The following DPP10 variants were observed in gnomAD, a reference collection of about 807,000 sequenced individuals.
DPP10 encodes the protein inactive dipeptidyl peptidase 10.
In DPP10, 33 loss-of-function variants were observed where a neutral mutation model predicts 120.9. The observed-to-expected ratio is 0.27, with a 90% CI of 0.21 to 0.37. The LOEUF is 0.37. DPP10 is among the 10% of genes least tolerant of loss of function. The pLI, the probability that DPP10 is intolerant of heterozygous loss-of-function variation, is 1.00. For synonymous variants in DPP10, 337 were observed against 326.1 expected (o/e 1.03, Z -0.36); for missense variants, 816 against 942.8 (o/e 0.87, Z 1.76).
chr2:115,604,221 A>G (rs1448470), intron 5 of DPP10, among the ~76,000 whole-genome samples: 150,384 of 152,184 alleles, frequency 0.99, 74,330 homozygotes, highest in East Asian at 1. Flanking sequence ...ATGACAGTGG[A>G]TTCTTAGGGT....
intron 1 of DPP10, among the ~76,000 whole-genome samples, chr2:115,116,927 A>C (rs1258595472): frequency 2.0e-5 from 3 of 152,238 alleles, no homozygotes; most frequent in Admixed American, 2.0e-4. Context: ...TCTTGTGCAC[A>C]AAGAATTTAT....
chr2:114,730,116 G>A (rs948742282), intron 1 of DPP10, among the ~76,000 whole-genome samples: 5 of 150,358 alleles, frequency 3.3e-5, no homozygotes, highest in Non-Finnish European at 5.9e-5. Context: ...AATATTATTT[G>A]TTCTTACTGT....
At chr2:115,816,424 G>T (rs79855880) in intron 21 of DPP10, among the ~76,000 whole-genome samples, 13 of 152,078 alleles carry the variant, frequency 8.5e-5, no homozygotes, top group African/African-American at 3.1e-4. Context: ...AGCAAGTATC[G>T]CAATCTTAGG....
intron 7 of DPP10, among the ~76,000 whole-genome samples, chr2:115,693,874 T>C (rs1279237588): frequency 6.6e-6 from 1 of 152,150 alleles, no homozygotes; most frequent in Non-Finnish European, 1.5e-5. Context: ...TTCTGGTGTT[T>C]AATGTATGAA....
chr2:115,662,427 G>T (rs1041769289), intron 5 of DPP10, among the ~76,000 whole-genome samples: 8 of 125,012 alleles, frequency 6.4e-5, no homozygotes, highest in East Asian at 2.1e-4. Context: ...TTTTATTTTT[G>T]TTTTTTATTT....
rs888635427 is a variant in DPP10 at position 115,533,318 on chromosome 2, C to G, written c.441+7346C>G. 3.3e-5 allele frequency among the ~76,000 whole-genome samples: 5 copies of G among 152,150 alleles called. No homozygotes were observed. The East Asian group carries it at 7.8e-4, about 24-fold the overall frequency. ...TGTCTACTAGAGGGAACAAATCAAC[C>G]GTAGCTGGGCTACATCTGCTATGTT... On this transcript the variant is annotated intron_variant, in intron 5 of 25. Transcript: ENST00000410059.
chr2:115,377,068 G>A (rs999139790), intron 3 of DPP10, among the ~76,000 whole-genome samples: 6 of 151,688 alleles, frequency 4.0e-5, no homozygotes, highest in East Asian at 1.9e-4. Context: ...TATATACCCA[G>A]TAATGGGATT....
chr2:114,782,402 C>T (rs371885015), intron 1 of DPP10, among the ~76,000 whole-genome samples: 1 of 151,840 alleles, frequency 6.6e-6, no homozygotes, highest in South Asian at 2.1e-4. Context: ...ACTTGATTTA[C>T]ATTTGGCTCT....
chr2:115,567,740 A>G (rs1458919728), intron 5 of DPP10, among the ~76,000 whole-genome samples: 2 of 152,244 alleles, frequency 1.3e-5, no homozygotes, highest in Admixed American at 6.5e-5. Flanking sequence ...AGGTAAATGC[A>G]TACATAGTTT....
chr2:115,034,877 G>A (rs1445557507), intron 1 of DPP10, among the ~76,000 whole-genome samples: 4 of 152,132 alleles, frequency 2.6e-5, no homozygotes, highest in Non-Finnish European at 5.9e-5. Context: ...ACCAGAGCTG[G>A]TCTCCCTGAC....
intron 1 of DPP10, among the ~76,000 whole-genome samples, chr2:114,819,784 T>C (rs1048353027): frequency 2.6e-5 from 4 of 152,196 alleles, no homozygotes; most frequent in African/African-American, 4.8e-5. Context: ...TGGGTATCTA[T>C]TCGTTATCAA....
chr2:115,581,073 C>A (rs189787249), intron 5 of DPP10, among the ~76,000 whole-genome samples: 1 of 152,110 alleles, frequency 6.6e-6, no homozygotes, highest in Non-Finnish European at 1.5e-5. Context: ...ATTCTCCGTA[C>A]GTCTAGTCAG....
intron 1 of DPP10, among the ~76,000 whole-genome samples, chr2:114,766,930 C>T (rs576847865): frequency 3.0e-4 from 45 of 150,488 alleles, no homozygotes; most frequent in Middle Eastern, 3.4e-3. Flanking sequence ...CATACACACA[C>T]GAGAGAGAGA....
chr2:115,757,980 G>C (rs999725296), intron 11 of DPP10, among the ~76,000 whole-genome samples: 7 of 152,082 alleles, frequency 4.6e-5, no homozygotes, highest in African/African-American at 1.7e-4. Flanking sequence ...TTAGCAGTGA[G>C]ATAAGGGTAT....
chr2:114,881,512 C>CTG (rs1182331643), intron 1 of DPP10, among the ~76,000 whole-genome samples: 2 of 150,296 alleles, frequency 1.3e-5, no homozygotes, highest in African/African-American at 4.9e-5. Context: ...GTCTGTCTGT[C>CTG]TATCTATCTA....
At chr2:115,331,319 T>G (rs1224027661) in intron 2 of DPP10, among the ~76,000 whole-genome samples, 1 of 152,214 alleles carries the variant, frequency 6.6e-6, no homozygotes, top group African/African-American at 2.4e-5. Context: ...AAGGAGATTT[T>G]GGGCTGAGAC....
intron 5 of DPP10, among the ~76,000 whole-genome samples, chr2:115,635,744 T>C (rs2086270117): frequency 6.6e-6 from 1 of 152,198 alleles, no homozygotes; most frequent in Non-Finnish European, 1.5e-5. Flanking sequence ...TTTCACCAGA[T>C]ATCCAGTCAG....
intron 1 of DPP10, among the ~76,000 whole-genome samples, chr2:114,950,655 T>C (rs886178510): frequency 6.6e-6 from 1 of 152,026 alleles, no homozygotes; most frequent in Non-Finnish European, 1.5e-5. Flanking sequence ...ATCTTCACAG[T>C]GTACTTATAG....
chr2:115,377,523 G>A (rs2065907918), intron 3 of DPP10, among the ~76,000 whole-genome samples: 1 of 152,040 alleles, frequency 6.6e-6, no homozygotes, highest in Non-Finnish European at 1.5e-5. Flanking sequence ...TCTGATGGTA[G>A]TTTCTTTTGC....
Sources: gnomAD v4.1 joint callset for allele counts (sites outside exome capture counted in the v4.1 genomes callset) on GRCh38, gnomAD v4.1.1 for gene constraint, MANE v1.5 for transcripts, NCBI Gene and HGNC (gene_info 2026-07-23, HGNC 2026-07-21) for gene names.